TBC1D14: variants seen among roughly 807,000 people sequenced by gnomAD.
TBC1D14 encodes TBC1 domain family, member 14.
Under a neutral mutation model 79.0 loss-of-function variants are expected in TBC1D14, and 26 were observed. The ratio of observed to expected loss-of-function variants is 0.33; its 90% CI spans 0.24 to 0.46. TBC1D14 has a LOEUF of 0.46. Ranked by LOEUF, TBC1D14 falls within the 20% of genes least tolerant of loss-of-function variation. TBC1D14 has a pLI of 1.00. For synonymous variants in TBC1D14, 394 were observed against 349.9 expected, an observed-to-expected ratio of 1.13 and a Z score of -1.40; for missense variants, 769 against 887.6, an observed-to-expected ratio of 0.87 and a Z score of 1.70.
chr4:6,921,235 C>T (rs1350210333), intron 1 of TBC1D14, among the ~76,000 whole-genome samples: 1 of 151,310 alleles, frequency 6.6e-6, no homozygotes, highest in African/African-American at 2.4e-5. Context: ...GACAGGGTCT[C>T]TTTCTGTCAT....
At chr4:6,942,052 A>T (rs990222738) in intron 2 of TBC1D14, among the ~76,000 whole-genome samples, 2 of 152,184 alleles carry the variant, frequency 1.3e-5, no homozygotes, top group African/African-American at 2.4e-5. Flanking sequence ...GCCACTTGCT[A>T]CTCATAAATT....
chr4:6,918,983 T>C (rs7657702), intron 1 of TBC1D14, among the ~76,000 whole-genome samples: 69,329 of 151,916 alleles, frequency 0.46, 16,333 homozygotes, highest in East Asian at 0.66. Flanking sequence ...GCAGTAGCCC[T>C]GCCTTGGAGG....
intron 13 of TBC1D14, 72 bp downstream of exon 13, chr4:7,025,334 G>C: frequency 6.3e-7 from 1 of 1,585,710 alleles, no homozygotes. Flanking sequence ...AGGCCCCTAC[G>C]TAAAGTGCTG....
intron 13 of TBC1D14, among the ~76,000 whole-genome samples, chr4:7,027,861 TC>T (rs1722606559): frequency 1.8e-5 from 2 of 114,078 alleles, no homozygotes; most frequent in South Asian, 6.4e-4. Context: ...CACACACAGA[TC>T]ACCCCCATGC....
chr4:6,991,361 C>T (rs986180219), intron 3 of TBC1D14, among the ~76,000 whole-genome samples: 25 of 152,172 alleles, frequency 1.6e-4, no homozygotes, highest in Admixed American at 1.6e-3. Context: ...AACCCCAGCG[C>T]GTGGCCTGTG....
chr4:6,939,929 G>A (rs1712741349), intron 2 of TBC1D14, among the ~76,000 whole-genome samples: 1 of 151,926 alleles, frequency 6.6e-6, no homozygotes. Flanking sequence ...GGCGGGGACT[G>A]GCCTTGCTTT....
At chr4:6,943,550 A>C (rs536346404) in intron 2 of TBC1D14, among the ~76,000 whole-genome samples, 1 of 152,190 alleles carries the variant, frequency 6.6e-6, no homozygotes, top group South Asian at 2.1e-4. Context: ...CTGCCTCTGC[A>C]CCTTGCCTGT....
intron 13 of TBC1D14, 66 bp downstream of exon 13, chr4:7,025,328 C>G: frequency 6.3e-7 from 1 of 1,593,966 alleles, no homozygotes; most frequent in Non-Finnish European, 8.5e-7. Flanking sequence ...TCAGGAAGGC[C>G]CCTACGTAAA....
chr4:7,021,116 C>T (rs1205658540), intron 12 of TBC1D14, among the ~76,000 whole-genome samples: 1 of 152,180 alleles, frequency 6.6e-6, no homozygotes, highest in Non-Finnish European at 1.5e-5. Context: ...GCTTCCTTGC[C>T]TCTAGCAAGC....
intron 3 of TBC1D14, among the ~76,000 whole-genome samples, chr4:6,984,929 C>T (rs1169766642): frequency 6.6e-6 from 1 of 152,132 alleles, no homozygotes; most frequent in Non-Finnish European, 1.5e-5. Flanking sequence ...CGATTGTGAA[C>T]GCCGAAGAGA....
At chr4:6,989,003 T>C (rs546749715) in intron 3 of TBC1D14, among the ~76,000 whole-genome samples, 1 of 150,262 alleles carries the variant, frequency 6.7e-6, no homozygotes, top group South Asian at 2.1e-4. Flanking sequence ...GCCTCTTGAG[T>C]AGTTGGGACC....
At position 6,980,139 on chromosome 4, in the gene TBC1D14, G is replaced by C. The variant is rs115679218; in HGVS notation, c.843+12715G>C. 2.4e-3 allele frequency among the ~76,000 whole-genome samples: 363 copies of C among 152,260 alleles called. 3 individuals carry two copies. Among genetic ancestry groups the C allele is most frequent in the African/African-American group, 8.3e-3 (344 of 41,552 alleles). On this transcript the variant is annotated intron_variant, in intron 3 of 13. Transcript: ENST00000409757. ...TGTACATGGAACATTCACCAAGACA[G>C]ACCATATTCTGGGATATAAGAGAAG...
chr4:6,909,613 G>A (rs1722795437), upstream of TBC1D14: 1 of 151,914 alleles, frequency 6.6e-6, no homozygotes, highest in South Asian at 2.1e-4. Flanking sequence ...AAAAGGGCCG[G>A]CGACGCCGCT....
At chr4:6,927,568 A>G (rs184881124) in intron 2 of TBC1D14, among the ~76,000 whole-genome samples, 32 of 152,290 alleles carry the variant, frequency 2.1e-4, no homozygotes, top group Admixed American at 1.4e-3. Flanking sequence ...TCTCACTCCC[A>G]TATTGTGCTT....
At chr4:6,970,969 G>T (rs550515263) in intron 3 of TBC1D14, among the ~76,000 whole-genome samples, 2 of 145,962 alleles carry the variant, frequency 1.4e-5, no homozygotes, top group Admixed American at 1.4e-4. Context: ...GGAGCCTGTG[G>T]TTGAACTGGG....
intron 11 of TBC1D14, among the ~76,000 whole-genome samples, chr4:7,012,623 AGT>A (rs1221636734): frequency 6.6e-6 from 1 of 152,254 alleles, no homozygotes; most frequent in Non-Finnish European, 1.5e-5. Context: ...ATTGTGAGAA[AGT>A]GTTCAAGATG....
chr4:6,994,900 C>T (rs1166547873), intron 4 of TBC1D14, among the ~76,000 whole-genome samples: 1 of 151,352 alleles, frequency 6.6e-6, no homozygotes, highest in East Asian at 1.9e-4. Flanking sequence ...GTGTCTTCTA[C>T]TATTTTCTTG....
intron 1 of TBC1D14, among the ~76,000 whole-genome samples, chr4:6,915,770 AC>A (rs1723347894): frequency 1.3e-5 from 2 of 151,988 alleles, no homozygotes; most frequent in South Asian, 4.2e-4. Flanking sequence ...GGATCTGTAT[AC>A]CCTCAGGCCA....
chr4:6,998,045 G>A (rs1719248638), intron 5 of TBC1D14, among the ~76,000 whole-genome samples: 1 of 152,120 alleles, frequency 6.6e-6, no homozygotes, highest in South Asian at 2.1e-4. Flanking sequence ...TAAATGCATG[G>A]TATTTCTCAG....
Sources: gnomAD v4.1 joint callset for allele counts (sites outside exome capture counted in the v4.1 genomes callset) on GRCh38, gnomAD v4.1.1 for gene constraint, MANE v1.5 for transcripts, NCBI Gene and HGNC (gene_info 2026-07-23, HGNC 2026-07-21) for gene names.